The following LGR5 variants were observed in gnomAD, a reference collection of about 807,000 sequenced individuals.
LGR5 encodes the protein leucine rich repeat containing G protein-coupled receptor 5.
In LGR5, 54 loss-of-function variants were observed where a neutral mutation model predicts 76.7. That is an observed-to-expected ratio of 0.70 (90% CI 0.57 to 0.88). The LOEUF (loss-of-function observed/expected upper bound fraction) is 0.88, where lower values mean the gene tolerates loss of function less well. Ranked by LOEUF, LGR5 falls within the 40% of genes least tolerant of loss-of-function variation. LGR5 has a pLI of 0.00. For missense variants in LGR5, 1,078 were observed against 1,073.3 expected (o/e 1.00, Z -0.06); for synonymous variants, 406 against 421.9 (o/e 0.96, Z 0.46).
chr12:71,539,199 A>G (rs1029498446), intron 4 of LGR5, among the ~76,000 whole-genome samples: 2 of 152,210 alleles, frequency 1.3e-5, no homozygotes, highest in African/African-American at 4.8e-5. Flanking sequence ...TTGAGAAATT[A>G]AAATTGTTAG....
At chr12:71,561,385 G>T (rs554140250) in intron 7 of LGR5, among the ~76,000 whole-genome samples, 1 of 152,260 alleles carries the variant, frequency 6.6e-6, no homozygotes, top group South Asian at 2.1e-4. Flanking sequence ...TTACTTCACT[G>T]CAGCTTAAGT....
chr12:71,457,665 T>C (rs1044616315), intron 1 of LGR5, among the ~76,000 whole-genome samples: 4 of 152,164 alleles, frequency 2.6e-5, no homozygotes, highest in South Asian at 2.1e-4. Flanking sequence ...TGACTTATAA[T>C]TGGTGTCTGT....
At chr12:71,517,073 C>T (rs893454081) in intron 2 of LGR5, among the ~76,000 whole-genome samples, 1 of 151,042 alleles carries the variant, frequency 6.6e-6, no homozygotes, top group Non-Finnish European at 1.5e-5. Context: ...GTTTAGCAAA[C>T]TGTTGTAGTT....
In LGR5 at chr12:71,562,991, G is replaced by A. The variant is rs78595904; in HGVS notation, c.857+1139G>A. Among the ~76,000 whole-genome samples, 1,170 of 152,286 alleles carry A rather than the reference G, an allele frequency of 7.7e-3. 8 individuals carry two copies. Among genetic ancestry groups the A allele is most frequent in the African/African-American group, 0.021 (886 of 41,560 alleles). On this transcript the variant is annotated intron_variant, in intron 8 of 17. Coordinates refer to ENST00000266674, the MANE Select transcript of LGR5 (RefSeq NM_003667.4). The stretch of plus-strand genomic sequence containing the variant: ...TAAAGTACATTGACAATAAACATTA[G>A]CCCTCATTAGAGCGTATTTGCGTAT...
chr12:71,443,568 T>C lies in LGR5; in HGVS notation c.212+3276T>C, dbSNP rs1052400151. Among the ~76,000 whole-genome samples, 3 of 152,206 alleles carry C rather than the reference T, an allele frequency of 2.0e-5. No homozygotes were observed. The South Asian group carries it at 6.2e-4, about 32-fold the overall frequency. ...AGCAGACAATAATGGTTTACAACAT[T>C]TAATACCAGTTGTGATCTGTCCTAA... On this transcript the variant is annotated intron_variant, in intron 1 of 17. Coordinates refer to ENST00000266674, the MANE Select transcript of LGR5 (RefSeq NM_003667.4).
chr12:71,452,897 G>C (rs1006232756), intron 1 of LGR5, among the ~76,000 whole-genome samples: 1 of 152,176 alleles, frequency 6.6e-6, no homozygotes, highest in African/African-American at 2.4e-5. Flanking sequence ...CACCTTACTT[G>C]TGTAGGATGC....
At chr12:71,524,348 A>G in intron 2 of LGR5, 58 bp from the exon 3 acceptor site, 2 of 1,231,848 alleles carry the variant, frequency 1.6e-6, no homozygotes, top group South Asian at 1.3e-5. Context: ...TTAACAACTA[A>G]ATGACTTCCA....
At chr12:71,501,215 G>A (rs78105320) in intron 1 of LGR5, among the ~76,000 whole-genome samples, 3,913 of 152,162 alleles carry the variant, frequency 0.026, 66 homozygotes, top group Non-Finnish European at 0.039. Flanking sequence ...AAATGCTATA[G>A]AAAAATAAAA....
Position 71,576,121 on chromosome 12 carries a change from T to C in LGR5, c.1209-1804T>C, listed in dbSNP as rs375787450. On this transcript the variant is annotated intron_variant, in intron 13 of 17. Transcript: ENST00000266674. ...GGGGGAGGGAAAGCATCAGGATAAA[T>C]AGTTAATGCATGCAGGGCTTAATAC... is the stretch of plus-strand genomic sequence containing the variant. Among the ~76,000 whole-genome samples the C allele has an allele frequency of 1.2e-4, 19 of 152,128 alleles. No individual in the cohort carries two copies. The East Asian group carries it at 1.9e-3, about 15-fold the overall frequency.
chr12:71,518,192 GCAAA>G (rs1440275242), intron 2 of LGR5, among the ~76,000 whole-genome samples: 2 of 151,836 alleles, frequency 1.3e-5, no homozygotes, highest in African/African-American at 4.8e-5. Context: ...TAAAAAGTGA[GCAAA>G]CAGACACTTT....
intron 1 of LGR5, among the ~76,000 whole-genome samples, chr12:71,462,211 C>A (rs1187878219): frequency 6.6e-6 from 1 of 152,238 alleles, no homozygotes; most frequent in Admixed American, 6.5e-5. Flanking sequence ...AAGATCTCTA[C>A]AATCACCTCA....
chr12:71,563,960 C>T (rs539599033), intron 8 of LGR5, among the ~76,000 whole-genome samples: 1 of 35,768 alleles, frequency 2.8e-5, no homozygotes, highest in African/African-American at 5.4e-5. Context: ...TGCATATATA[C>T]GTATCTGTAC....
intron 1 of LGR5, among the ~76,000 whole-genome samples, chr12:71,485,383 A>G (rs1182386331): frequency 1.3e-5 from 2 of 152,298 alleles, no homozygotes; most frequent in East Asian, 3.9e-4. Context: ...TCAGAACATC[A>G]GAAGCAAGCA....
intron 2 of LGR5, among the ~76,000 whole-genome samples, chr12:71,521,316 G>A (rs920383943): frequency 5.3e-5 from 8 of 152,076 alleles, no homozygotes; most frequent in African/African-American, 1.7e-4. Flanking sequence ...GAAACCGCGG[G>A]GGTCCATCCT....
In LGR5 at chr12:71,469,950, G is replaced by T. The variant is rs944018428; in HGVS notation, c.212+29658G>T. Among the ~76,000 whole-genome samples the T allele has an allele frequency of 5.3e-5, 8 of 152,152 alleles. No homozygotes were observed. In the South Asian group the frequency reaches 1.7e-3, roughly 32 times the overall value. ...CATCGCACAACACACATTCCAGTGTGCAGGGCCCTTTCTTGTCCTCCCTTC... is the reference window on the plus strand; with the variant it reads ...CATCGCACAACACACATTCCAGTGTTCAGGGCCCTTTCTTGTCCTCCCTTC... On this transcript the variant is annotated intron_variant, in intron 1 of 17. Coordinates refer to ENST00000266674, the MANE Select transcript of LGR5 (RefSeq NM_003667.4).
intron 1 of LGR5, among the ~76,000 whole-genome samples, chr12:71,503,536 A>G (rs1427657275): frequency 1.3e-5 from 2 of 152,228 alleles, no homozygotes; most frequent in African/African-American, 4.8e-5. Flanking sequence ...TCATTGATGT[A>G]AAGTCAATAT....
chr12:71,542,505 A>G (rs762091683), intron 4 of LGR5, among the ~76,000 whole-genome samples: 11 of 152,310 alleles, frequency 7.2e-5, no homozygotes, highest in Middle Eastern at 3.4e-3. Flanking sequence ...GGGGGTACTC[A>G]GATCTGTGTC....
chr12:71,515,163 A>G (rs534796382), intron 2 of LGR5, among the ~76,000 whole-genome samples: 1 of 152,344 alleles, frequency 6.6e-6, no homozygotes, highest in African/African-American at 2.4e-5. Context: ...GTTTCATCAT[A>G]TTTCTAATTC....
At chr12:71,476,132 A>G (rs1345820965) in intron 1 of LGR5, among the ~76,000 whole-genome samples, 1 of 152,128 alleles carries the variant, frequency 6.6e-6, no homozygotes, top group Non-Finnish European at 1.5e-5. Flanking sequence ...AATTCACCCA[A>G]ACCCACCAGT....
Sources: gnomAD v4.1 joint callset for allele counts (sites outside exome capture counted in the v4.1 genomes callset) on GRCh38, gnomAD v4.1.1 for gene constraint, MANE v1.5 for transcripts, NCBI Gene and HGNC (gene_info 2026-07-23, HGNC 2026-07-21) for gene names.